The following GRID2 variants were observed in gnomAD, a reference collection of about 807,000 sequenced individuals.
GRID2 encodes the protein glutamate receptor ionotropic, delta-2.
In GRID2, 33 loss-of-function variants were observed where a neutral mutation model predicts 114.8. The observed-to-expected ratio is 0.29, with a 90% confidence interval of 0.22 to 0.38. The LOEUF is 0.38. Ranked by LOEUF, GRID2 falls within the 10% of genes least tolerant of loss-of-function variation. The pLI, the probability that GRID2 is intolerant of heterozygous loss-of-function variation, is 1.00. For synonymous variants in GRID2, 505 were observed against 449.9 expected (o/e 1.12, Z -1.55); for missense variants, 1,184 against 1,257.7 (o/e 0.94, Z 0.89).
chr4:92,743,012 C>T (rs1295329727), intron 2 of GRID2, among the ~76,000 whole-genome samples: 2 of 152,146 alleles, frequency 1.3e-5, no homozygotes, highest in Non-Finnish European at 2.9e-5. Flanking sequence ...AGCAGTGGCT[C>T]ATGCCTGTAA....
intron 2 of GRID2, among the ~76,000 whole-genome samples, chr4:92,950,376 G>C (rs1751940074): frequency 1.3e-5 from 2 of 152,102 alleles, no homozygotes; most frequent in Admixed American, 1.3e-4. Flanking sequence ...GTAAATTATG[G>C]AGGATTTATG....
intron 2 of GRID2, among the ~76,000 whole-genome samples, chr4:92,676,811 T>A (rs1733396761): frequency 6.6e-6 from 1 of 152,178 alleles, no homozygotes; most frequent in East Asian, 1.9e-4. Flanking sequence ...CTCAAATAGA[T>A]GCTTATACAC....
intron 4 of GRID2, among the ~76,000 whole-genome samples, chr4:93,127,408 G>A (rs929809122): frequency 1.3e-5 from 2 of 152,136 alleles, no homozygotes; most frequent in African/African-American, 4.8e-5. Context: ...AAAAAGAAAT[G>A]AACATATACA....
chr4:92,784,206 A>G (rs1739216084), intron 2 of GRID2, among the ~76,000 whole-genome samples: 1 of 151,988 alleles, frequency 6.6e-6, no homozygotes, highest in South Asian at 2.1e-4. Context: ...CTTCTATATC[A>G]TGTAAATATA....
chr4:93,538,056 C>G (rs1401395071), intron 13 of GRID2, among the ~76,000 whole-genome samples: 1 of 151,658 alleles, frequency 6.6e-6, no homozygotes, highest in Non-Finnish European at 1.5e-5. Flanking sequence ...CCTGTATTCT[C>G]TTTTTAAAAT....
intron 1 of GRID2, among the ~76,000 whole-genome samples, chr4:92,445,017 G>A (rs1350139985): frequency 6.6e-6 from 1 of 152,034 alleles, no homozygotes; most frequent in Non-Finnish European, 1.5e-5. Context: ...TTAGGCAACT[G>A]TAGCAGACAT....
intron 8 of GRID2, among the ~76,000 whole-genome samples, chr4:93,386,289 A>T (rs1764304882): frequency 6.6e-6 from 1 of 152,174 alleles, no homozygotes; most frequent in African/African-American, 2.4e-5. Context: ...TCTAATTCTC[A>T]ATTTCCACAT....
chr4:93,103,850 TTTG>T (rs1331446966), intron 3 of GRID2, among the ~76,000 whole-genome samples: 36 of 151,462 alleles, frequency 2.4e-4, no homozygotes, highest in Admixed American at 1.8e-3. Flanking sequence ...GTTTTTTTTT[TTTG>T]TTTGTTTTTT....
At chr4:92,438,165 A>G (rs1397432268) in intron 1 of GRID2, among the ~76,000 whole-genome samples, 1 of 152,204 alleles carries the variant, frequency 6.6e-6, no homozygotes, top group Non-Finnish European at 1.5e-5. Context: ...ATGTATGCCA[A>G]TAAATTTCAT....
intron 13 of GRID2, among the ~76,000 whole-genome samples, chr4:93,593,093 T>C (rs2149619248): frequency 6.6e-6 from 1 of 152,186 alleles, no homozygotes; most frequent in East Asian, 1.9e-4. Context: ...AATTTGATCC[T>C]GTCATTATGA....
chr4:93,189,807 AC>A (rs1740803392), intron 4 of GRID2, among the ~76,000 whole-genome samples: 1 of 149,678 alleles, frequency 6.7e-6, no homozygotes, highest in Non-Finnish European at 1.5e-5. Context: ...ACACACACAC[AC>A]ACACACAAAT....
At chr4:93,539,143 T>C (rs1282593875) in intron 13 of GRID2, among the ~76,000 whole-genome samples, 1 of 151,914 alleles carries the variant, frequency 6.6e-6, no homozygotes, top group Non-Finnish European at 1.5e-5. Flanking sequence ...CATGAACTGT[T>C]ATTTCTGACT....
chr4:93,195,091 C>T (rs1448092741), intron 4 of GRID2, among the ~76,000 whole-genome samples: 1 of 152,084 alleles, frequency 6.6e-6, no homozygotes, highest in Non-Finnish European at 1.5e-5. Flanking sequence ...ATAGTTGGAA[C>T]GTATGTTCTA....
chr4:93,658,340 G>A (rs1723196184), intron 14 of GRID2, among the ~76,000 whole-genome samples: 1 of 151,962 alleles, frequency 6.6e-6, no homozygotes, highest in Non-Finnish European at 1.5e-5. Flanking sequence ...AAAATTACAG[G>A]AATTTTAGAA....
chr4:92,409,322 A>C (rs1731183506), intron 1 of GRID2, among the ~76,000 whole-genome samples: 1 of 152,140 alleles, frequency 6.6e-6, no homozygotes, highest in South Asian at 2.1e-4. Context: ...TTTTAGGTCC[A>C]TTAAATGTAT....
At chr4:93,080,653 A>G (rs867762972) in intron 2 of GRID2, among the ~76,000 whole-genome samples, 2 of 152,152 alleles carry the variant, frequency 1.3e-5, no homozygotes, top group African/African-American at 2.4e-5. Flanking sequence ...ACAAACTGGG[A>G]GCACTTTGAG....
At chr4:93,174,595 A>G (rs912764290) in intron 4 of GRID2, among the ~76,000 whole-genome samples, 1 of 152,084 alleles carries the variant, frequency 6.6e-6, no homozygotes, top group African/African-American at 2.4e-5. Context: ...TGGGGACCTA[A>G]TCTGATAGGA....
chr4:92,540,755 A>G (rs988376693), intron 1 of GRID2, among the ~76,000 whole-genome samples: 2 of 152,162 alleles, frequency 1.3e-5, no homozygotes, highest in African/African-American at 4.8e-5. Context: ...GGGATCTAGA[A>G]GTAGAAATAC....
intron 2 of GRID2, among the ~76,000 whole-genome samples, chr4:92,815,960 C>CA (rs147588022): frequency 0.1 from 13,122 of 128,578 alleles, 888 homozygotes; most frequent in Non-Finnish European, 0.16. Flanking sequence ...AACAAAAAGC[C>CA]AAAAAAAAAC....
Sources: gnomAD v4.1 joint callset for allele counts (sites outside exome capture counted in the v4.1 genomes callset) on GRCh38, gnomAD v4.1.1 for gene constraint, MANE v1.5 for transcripts, NCBI Gene and HGNC (gene_info 2026-07-23, HGNC 2026-07-21) for gene names.